Variants in SRRM4 observed in about 807,000 individuals in gnomAD.
SRRM4 encodes serine/arginine repetitive matrix protein 4.
In SRRM4, 33 loss-of-function variants were observed where a neutral mutation model predicts 68.9. The ratio of observed to expected loss-of-function variants is 0.48; its 90% CI spans 0.36 to 0.64. The LOEUF (loss-of-function observed/expected upper bound fraction) is 0.64, where lower values mean the gene tolerates loss of function less well. SRRM4 is among the 30% of genes least tolerant of loss of function. SRRM4 has a pLI of 0.00. For synonymous variants in SRRM4, 318 were observed against 318.8 expected (o/e 1.00, Z 0.03); for missense variants, 817 against 827.1 (o/e 0.99, Z 0.15).
At chr12:119,009,511 C>T (rs1464047800) in intron 1 of SRRM4, among the ~76,000 whole-genome samples, 1 of 152,196 alleles carries the variant, frequency 6.6e-6, no homozygotes, top group African/African-American at 2.4e-5. Context: ...GAGTTGCCTT[C>T]TAAAAGCTTG....
intron 8 of SRRM4, among the ~76,000 whole-genome samples, chr12:119,141,858 G>C (rs1156907489): frequency 5.9e-5 from 9 of 152,200 alleles, no homozygotes; most frequent in Non-Finnish European, 1.2e-4. Flanking sequence ...TTGAATGAGT[G>C]AGTGAATTCA....
rs547801838 is a variant in SRRM4, at chr12:119,156,736, C to A, written c.1774C>A (p.Arg592=). Residue 592 remains arginine, a synonymous_variant, in exon 13 of 13, where the codon CGG becomes AGG. Coordinates refer to ENST00000267260, the MANE Select transcript of SRRM4 (RefSeq NM_194286.4). ...RSRSRSRSRS[R]SRSQSRSYSS... ...CCGGAGCAGGAGCCGGAGCCGGAGC[C>A]GGAGCAGGAGCCAGAGCCGGAGCTA... 1.9e-6 allele frequency: 3 copies of A among 1,546,634 alleles called. No individual in the cohort carries two copies. The highest frequency in any genetic ancestry group is 2.4e-5 in the East Asian group (1 of 40,896).
intron 1 of SRRM4, among the ~76,000 whole-genome samples, chr12:119,054,807 A>T (rs867465834): frequency 2.0e-5 from 3 of 152,150 alleles, no homozygotes; most frequent in Middle Eastern, 3.2e-3. Context: ...TGGGGTGGCA[A>T]GAGTGCTACC....
intron 9 of SRRM4, among the ~76,000 whole-genome samples, chr12:119,148,719 C>G (rs904939087): frequency 2.0e-5 from 3 of 152,166 alleles, no homozygotes; most frequent in Non-Finnish European, 4.4e-5. Flanking sequence ...GGAACTAAAG[C>G]CTGAGAGACA....
chr12:119,021,388 A>C (rs1953514805), intron 1 of SRRM4, among the ~76,000 whole-genome samples: 1 of 152,234 alleles, frequency 6.6e-6, no homozygotes, highest in African/African-American at 2.4e-5. Context: ...AGATTGGCTG[A>C]CTTGAAGCTA....
intron 1 of SRRM4, among the ~76,000 whole-genome samples, chr12:118,982,669 G>GTTTTTTTTTTTTTTTTTTTTTTTT (rs10533651): frequency 1.7e-5 from 2 of 115,716 alleles, no homozygotes; most frequent in African/African-American, 3.3e-5. Context: ...GTTTTATTTT[G>GTTTTTTTTTTTTTTTTTTTTTTTT]TTTTTTTTTG....
chr12:119,014,513 G>A (rs1594027229), intron 1 of SRRM4, among the ~76,000 whole-genome samples: 2 of 152,164 alleles, frequency 1.3e-5, no homozygotes, highest in Non-Finnish European at 2.9e-5. Flanking sequence ...AGGTATTAGA[G>A]GAAAGAAAAA....
At chr12:119,043,015 A>G (rs888793605) in intron 1 of SRRM4, among the ~76,000 whole-genome samples, 9 of 152,198 alleles carry the variant, frequency 5.9e-5, no homozygotes, top group Admixed American at 1.3e-4. Flanking sequence ...CAGAAATACC[A>G]TTTGACCCAG....
intron 7 of SRRM4, 33 bp from the exon 8 acceptor site, chr12:119,130,645 A>G: frequency 1.3e-6 from 2 of 1,592,988 alleles, no homozygotes; most frequent in Non-Finnish European, 1.7e-6. Context: ...CTCCCCTTCA[A>G]AAGACCCTCA....
chr12:119,106,358 A>G (rs1365431934), intron 2 of SRRM4, among the ~76,000 whole-genome samples: 4 of 152,174 alleles, frequency 2.6e-5, no homozygotes, highest in Non-Finnish European at 5.9e-5. Flanking sequence ...AGTCATTGGT[A>G]GCTTGATGGG....
chr12:119,080,314 G>T (rs1953940433), intron 1 of SRRM4, among the ~76,000 whole-genome samples: 1 of 151,480 alleles, frequency 6.6e-6, no homozygotes, highest in Non-Finnish European at 1.5e-5. Flanking sequence ...TCACAGCATT[G>T]TGGTGAGCAC....
chr12:119,000,274 A>G (rs1953375994), intron 1 of SRRM4, among the ~76,000 whole-genome samples: 2 of 152,190 alleles, frequency 1.3e-5, no homozygotes, highest in Admixed American at 1.3e-4. Context: ...GCCCAGCCAC[A>G]CACCTCGGAG....
chr12:119,099,710 C>T (rs1199048213), intron 1 of SRRM4, among the ~76,000 whole-genome samples: 1 of 152,176 alleles, frequency 6.6e-6, no homozygotes, highest in Non-Finnish European at 1.5e-5. Flanking sequence ...TTGACTGGAG[C>T]TGAAGAATCC....
chr12:119,097,029 C>CGGCACT (rs146650229), intron 1 of SRRM4, among the ~76,000 whole-genome samples: 5,776 of 152,242 alleles, frequency 0.038, 124 homozygotes, highest in African/African-American at 0.051. Context: ...TTGAGGAATT[C>CGGCACT]GGCACTCGTG....
chr12:119,070,541 C>T (rs532206835), intron 1 of SRRM4, among the ~76,000 whole-genome samples: 24 of 152,188 alleles, frequency 1.6e-4, no homozygotes, highest in Non-Finnish European at 3.2e-4. Flanking sequence ...CACAGAAGAG[C>T]TCTATTTTTA....
chr12:118,998,268 CAAAAAAAAAAAAAA>C lies in SRRM4; in HGVS notation c.131+16273_131+16286del, dbSNP rs35250419. The stretch of plus-strand genomic sequence containing the variant: ...AACTGAGTGGATAAGAGCAATATGG[CAAAAAAAAAAAAAA>C]AAAAAAAAAAAAAAAAATCACAGAG... On this transcript the variant is annotated intron_variant, in intron 1 of 12. Coordinates refer to ENST00000267260, the MANE Select transcript of SRRM4 (RefSeq NM_194286.4). Among the ~76,000 whole-genome samples the C allele has an allele frequency of 1.3e-3, 46 of 36,588 alleles. No homozygotes were observed. In the South Asian group the frequency reaches 0.014, roughly 11 times the overall value. The allele number at this position is 36,588 out of a possible 152,430, so 24.0% of individuals were successfully genotyped here. A position where few individuals can be genotyped will look rare whatever the true frequency, so the allele number is the denominator to read the frequency against.
chr12:119,084,262 G>A (rs1953966948), intron 1 of SRRM4, among the ~76,000 whole-genome samples: 1 of 152,132 alleles, frequency 6.6e-6, no homozygotes, highest in Non-Finnish European at 1.5e-5. Flanking sequence ...ACACCAAACA[G>A]AGGGATTCTA....
chr12:119,132,957 T>G (rs1416937679), intron 8 of SRRM4: 1 of 152,124 alleles, frequency 6.6e-6, no homozygotes, highest in African/African-American at 2.4e-5. Context: ...CTGTAAGAAA[T>G]AATAATAAAA....
intron 2 of SRRM4, among the ~76,000 whole-genome samples, chr12:119,106,926 G>A (rs1263385809): frequency 6.6e-6 from 1 of 152,192 alleles, no homozygotes; most frequent in Non-Finnish European, 1.5e-5. Flanking sequence ...TGCCCATTCA[G>A]TATGATATTG....
Sources: gnomAD v4.1 joint callset for allele counts (sites outside exome capture counted in the v4.1 genomes callset) on GRCh38, gnomAD v4.1.1 for gene constraint, MANE v1.5 for transcripts, NCBI Gene and HGNC (gene_info 2026-07-23, HGNC 2026-07-21) for gene names.